CRMP1: variants seen among roughly 807,000 people sequenced by gnomAD.
CRMP1 encodes collapsin response mediator protein 1, also known as dihydropyrimidinase-related protein 1.
CRMP1 carries 19 observed loss-of-function variants against 68.3 expected under a neutral mutation model. The observed-to-expected ratio is 0.28, with a 90% CI of 0.19 to 0.41. The LOEUF (loss-of-function observed/expected upper bound fraction) is 0.41, where lower values mean the gene tolerates loss of function less well. Among genes scored for constraint, CRMP1 ranks in the 10% least tolerant of loss-of-function variants. The pLI, the probability that CRMP1 is intolerant of heterozygous loss-of-function variation, is 1.00. For synonymous variants in CRMP1, 439 were observed against 399.6 expected, an observed-to-expected ratio of 1.10 and a Z score of -1.18; for missense variants, 791 against 967.4, an observed-to-expected ratio of 0.82 and a Z score of 2.42.
intron 11 of CRMP1, among the ~76,000 whole-genome samples, chr4:5,831,316 C>A (rs952135529): frequency 7.2e-5 from 11 of 152,138 alleles, no homozygotes; most frequent in African/African-American, 2.6e-4. Flanking sequence ...ATTTTTGATT[C>A]TTCCATAGAA....
intron 11 of CRMP1, among the ~76,000 whole-genome samples, chr4:5,835,079 C>G (rs139233955): frequency 1.4e-5 from 2 of 145,182 alleles, no homozygotes; most frequent in African/African-American, 5.7e-5. Flanking sequence ...TACTCCTTCT[C>G]CAGTATGTGA....
Position 5,841,586 on chromosome 4 carries a change from C to G in CRMP1, c.1033-158G>C. Among the ~76,000 whole-genome samples the G allele has an allele frequency of 6.6e-6, 1 of 152,238 alleles. No individual in the cohort carries two copies. Among genetic ancestry groups the G allele is most frequent in the South Asian group, 2.1e-4 (1 of 4,838 alleles). ...ACAGCGCTTGACAGTGCCCCCTGCT[C>G]TCCGGGGTGGAGCATTGGTCTCACG... On this transcript the variant is annotated intron_variant, in intron 7 of 13. Coordinates refer to ENST00000324989, the MANE Select transcript of CRMP1 (RefSeq NM_001014809.3). The surrounding 1 kb of genome is among the most constrained non-coding windows in gnomAD (Gnocchi z 6.9).
rs1715906789 is a variant in CRMP1, at chr4:5,890,788, G to C, written c.381+1801C>G. ...GCCCAGGCTGCGCCCTGGGGGAGAT[G>C]CTGGCGTTGGTGACATTGACCGCAG... On this transcript the variant is annotated intron_variant, in intron 1 of 13. Transcript: ENST00000324989. The surrounding 1 kb of genome is among the most constrained non-coding windows in gnomAD (Gnocchi z 5.5). Among the ~76,000 whole-genome samples the C allele has an allele frequency of 6.6e-6, 1 of 152,146 alleles. No individual in the cohort carries two copies. The highest frequency in any genetic ancestry group is 1.5e-5 in the Non-Finnish European group (1 of 68,016).
Position 5,888,358 on chromosome 4 carries a change from G to A in CRMP1, c.381+4231C>T, listed in dbSNP as rs990097351. 3.7e-5 allele frequency: 45 copies of A among 1,230,884 alleles called. No individual in the cohort carries two copies. Among genetic ancestry groups the A allele is most frequent in the Non-Finnish European group, 4.4e-5 (43 of 984,066 alleles). The allele number at this position is 1,230,884 out of a possible 1,614,324, so 76.2% of individuals were successfully genotyped here. A position where few individuals can be genotyped will look rare whatever the true frequency, so the allele number is the denominator to read the frequency against. ...CGGCCCCGCTCCCAGCGGGCGCGCT[G>A]ACAAAGGCCCGGGAGGGATAGAGAC... On this transcript the variant is annotated intron_variant, in intron 1 of 13. Coordinates refer to ENST00000324989, the MANE Select transcript of CRMP1 (RefSeq NM_001014809.3). The surrounding 1 kb of genome is among the most constrained non-coding windows in gnomAD (Gnocchi z 6.4).
chr4:5,830,157 CTG>C (rs1433979073), intron 11 of CRMP1, among the ~76,000 whole-genome samples: 3 of 152,190 alleles, frequency 2.0e-5, no homozygotes, highest in African/African-American at 7.2e-5. Flanking sequence ...TACGGTGTCA[CTG>C]TGTTTTGCAC....
chr4:5,882,566 A>T (rs1012876474), intron 1 of CRMP1, among the ~76,000 whole-genome samples: 1 of 152,244 alleles, frequency 6.6e-6, no homozygotes, highest in South Asian at 2.1e-4. Context: ...TCTATGGGGA[A>T]AAAATCTTAG....
At chr4:5,845,284 AGGGTT>A (rs1258591748) in intron 6 of CRMP1, among the ~76,000 whole-genome samples, 1 of 152,182 alleles carries the variant, frequency 6.6e-6, no homozygotes, top group African/African-American at 2.4e-5. Flanking sequence ...ACAAGACAAA[AGGGTT>A]GGGCTGTCAC....
intron 4 of CRMP1, among the ~76,000 whole-genome samples, chr4:5,851,876 GGAA>G (rs1712667048): frequency 7.8e-6 from 1 of 128,656 alleles, no homozygotes; most frequent in Non-Finnish European, 1.7e-5. Flanking sequence ...AGGAGGAAGA[GGAA>G]GAGGAAGAGG....
chr4:5,833,870 T>G (rs1417337889), intron 11 of CRMP1, among the ~76,000 whole-genome samples: 2 of 152,112 alleles, frequency 1.3e-5, no homozygotes, highest in African/African-American at 4.8e-5. Context: ...TGGTGAAACC[T>G]GTCTCTACTA....
intron 11 of CRMP1, 115 bp downstream of exon 11, chr4:5,835,800 T>G (rs1226323106): frequency 1.7e-6 from 2 of 1,207,946 alleles, no homozygotes; most frequent in African/African-American, 3.1e-5. Flanking sequence ...TGAGTCAGGC[T>G]AGATATCAGA....
intron 11 of CRMP1, among the ~76,000 whole-genome samples, 175 bp from the exon 12 acceptor site, chr4:5,828,843 A>AC (rs1268122417): frequency 1.2e-4 from 18 of 152,194 alleles, no homozygotes; most frequent in African/African-American, 4.1e-4. Context: ...AGTGTATATA[A>AC]CCAACAACTC....
chr4:5,821,736 G>C lies in CRMP1; in HGVS notation c.*24C>G, dbSNP rs1266479499. 3.2e-6 allele frequency: 5 copies of C among 1,585,122 alleles called. No homozygotes were observed. In the Admixed American group the frequency reaches 8.8e-5, roughly 28 times the overall value. ...GGACATGATTCCCAGAATCCTTCAG[G>C]CTAGCTCCTCCGCGCATCCACGTTC... On this transcript the variant is annotated 3_prime_UTR_variant, in exon 14 of 14. Transcript: ENST00000324989. This position sits in a 1 kb window ranked among gnomAD's most constrained non-coding sequence, Gnocchi z 4.4.
At position 5,868,283 on chromosome 4, in the gene CRMP1, A is replaced by C. The variant is rs1296324314; in HGVS notation, c.382-1527T>G. Among the ~76,000 whole-genome samples the C allele has an allele frequency of 9.8e-4, 119 of 121,128 alleles. 4 individuals carry two copies. Among genetic ancestry groups the C allele is most frequent in the Admixed American group, 1.9e-3 (24 of 12,362 alleles). The allele number at this position is 121,128 out of a possible 152,430, so 79.5% of individuals were successfully genotyped here. A position where few individuals can be genotyped will look rare whatever the true frequency, so the allele number is the denominator to read the frequency against. ...TATCTATATATATATATATATATATATATATATATATATATATATACATAA... is the reference window on the plus strand; with the variant it reads ...TATCTATATATATATATATATATATCTATATATATATATATATATACATAA... On this transcript the variant is annotated intron_variant, in intron 1 of 13. Coordinates refer to ENST00000324989, the MANE Select transcript of CRMP1 (RefSeq NM_001014809.3).
chr4:5,889,549 G>A lies in CRMP1; in HGVS notation c.381+3040C>T. ...GGGGAAAAGATGAAAGAAGATGGAG[G>A]AAAAGGGGGAGCCCCAGCAAGCCCC... is the stretch of plus-strand genomic sequence containing the variant. On this transcript the variant is annotated intron_variant, in intron 1 of 13. Coordinates refer to ENST00000324989, the MANE Select transcript of CRMP1 (RefSeq NM_001014809.3). The surrounding 1 kb of genome is among the most constrained non-coding windows in gnomAD (Gnocchi z 4.5). 6.5e-7 allele frequency: 1 copy of A among 1,533,770 alleles called. No individual in the cohort carries two copies. Among genetic ancestry groups the A allele is most frequent in the Non-Finnish European group, 8.7e-7 (1 of 1,144,852 alleles).
rs1396566158 is a variant in CRMP1, at chr4:5,842,602, ACACACACACACACACTCACT to A, written c.1032+471_1032+490del. Among the ~76,000 whole-genome samples, 2 of 132,090 alleles carry A rather than the reference ACACACACACACACACTCACT, an allele frequency of 1.5e-5. No individual in the cohort carries two copies. The highest frequency in any genetic ancestry group is 6.0e-5 in the African/African-American group (2 of 33,448). 86.7% of individuals were successfully genotyped at this position (132,090 alleles called of 152,430 possible). On this transcript the variant is annotated intron_variant, in intron 7 of 13. Coordinates refer to ENST00000324989, the MANE Select transcript of CRMP1 (RefSeq NM_001014809.3). The surrounding 1 kb of genome is among the most constrained non-coding windows in gnomAD (Gnocchi z 4.5). ...CACCCACACTCACACACTCTCTCAC[ACACACACACACACACTCACT>A]CACACACACACACACGCACTGTCTC... is the stretch of plus-strand genomic sequence containing the variant.
At chr4:5,824,818 C>T in intron 13 of CRMP1, 2 of 985,394 alleles carry the variant, frequency 2.0e-6, no homozygotes, top group Non-Finnish European at 2.4e-6. Context: ...AATTCCAGTT[C>T]AACTTTCTCA....
rs1322148852 is a variant in CRMP1 at position 5,883,785 on chromosome 4, C to G, written c.381+8804G>C. ...AGAGCTATGACCTGTTAGATATTTA[C>G]TATGTGCCATGCACACTCATGTATG... is the stretch of plus-strand genomic sequence containing the variant. On this transcript the variant is annotated intron_variant, in intron 1 of 13. Coordinates refer to ENST00000324989, the MANE Select transcript of CRMP1 (RefSeq NM_001014809.3). The surrounding 1 kb of genome is among the most constrained non-coding windows in gnomAD (Gnocchi z 4.5). 1.3e-5 allele frequency among the ~76,000 whole-genome samples: 2 copies of G among 152,200 alleles called. No individual in the cohort carries two copies. Among genetic ancestry groups the G allele is most frequent in the Non-Finnish European group, 2.9e-5 (2 of 68,040 alleles).
At position 5,889,112 on chromosome 4, in the gene CRMP1, C is replaced by G. The variant is rs570419584; in HGVS notation, c.381+3477G>C. ...CTCCAATGCCTTCCCCACCACGAAG[C>G]CTCTCCCTGCCACCCTCTCCATCCT... On this transcript the variant is annotated intron_variant, in intron 1 of 13. Transcript: ENST00000324989. The surrounding 1 kb of genome is among the most constrained non-coding windows in gnomAD (Gnocchi z 4.5). Among the ~76,000 whole-genome samples, 1 of 152,266 alleles carries G rather than the reference C, an allele frequency of 6.6e-6. No homozygotes were observed. Among genetic ancestry groups the G allele is most frequent in the Middle Eastern group, 3.4e-3 (1 of 294 alleles).
rs1305519031 is a variant in CRMP1, at chr4:5,858,553, G to A, written c.656-2246C>T. On this transcript the variant is annotated intron_variant, in intron 3 of 13. Transcript: ENST00000324989. This position sits in a 1 kb window ranked among gnomAD's most constrained non-coding sequence, Gnocchi z 5.5. ...GTTGACTGGCCTCCTCCATATCCCT[G>A]GAGCTGTCCAATTCTGCCCACTCCA... Among the ~76,000 whole-genome samples, 1 of 151,962 alleles carries A rather than the reference G, an allele frequency of 6.6e-6. No homozygotes were observed. The highest frequency in any genetic ancestry group is 1.5e-5 in the Non-Finnish European group (1 of 67,990).
Sources: gnomAD v4.1 joint callset for allele counts (sites outside exome capture counted in the v4.1 genomes callset) on GRCh38, gnomAD v4.1.1 for gene constraint, Gnocchi (gnomAD v3.1) non-coding constraint, MANE v1.5 for transcripts, NCBI Gene and HGNC (gene_info 2026-07-23, HGNC 2026-07-21) for gene names.